Variants in RBFOX1 observed in about 807,000 individuals in gnomAD.
The protein encoded by RBFOX1 is RNA binding protein fox-1 homolog 1.
Under a neutral mutation model 57.7 loss-of-function variants are expected in RBFOX1, and 8 were observed. The ratio of observed to expected loss-of-function variants is 0.14; its 90% CI spans 0.08 to 0.25. The LOEUF (loss-of-function observed/expected upper bound fraction) is 0.25. RBFOX1 is among the 10% of genes least tolerant of loss of function. The probability of loss-of-function intolerance (pLI) is 1.00; values close to 1 mark genes in which losing one functional copy is unlikely to be tolerated. For missense variants in RBFOX1, 611 were observed against 548.5 expected, an observed-to-expected ratio of 1.11 and a Z score of -1.14; for synonymous variants, 326 against 222.4, an observed-to-expected ratio of 1.47 and a Z score of -4.15.
intron 1 of RBFOX1, among the ~76,000 whole-genome samples, chr16:6,308,858 C>G (rs1255256488): frequency 6.6e-6 from 1 of 152,138 alleles, no homozygotes; most frequent in Non-Finnish European, 1.5e-5. Context: ...CCAACTATCA[C>G]TCCTAAAACA....
chr16:6,452,036 T>C (rs185049612), intron 2 of RBFOX1, among the ~76,000 whole-genome samples: 1 of 148,072 alleles, frequency 6.8e-6, no homozygotes, highest in East Asian at 2.1e-4. Flanking sequence ...CCATGGCTCC[T>C]TCCTTCCATG....
chr16:6,857,274 C>G (rs1567583471), intron 3 of RBFOX1, among the ~76,000 whole-genome samples: 1 of 152,210 alleles, frequency 6.6e-6, no homozygotes, highest in African/African-American at 2.4e-5. Context: ...AAATCGCAAA[C>G]TTATTAGGAA....
chr16:6,945,887 G>A (rs567532079), intron 3 of RBFOX1, among the ~76,000 whole-genome samples: 3 of 152,072 alleles, frequency 2.0e-5, no homozygotes, highest in Non-Finnish European at 2.9e-5. Context: ...CAAGACTCTC[G>A]TCCCCCACAA....
intron 3 of RBFOX1, among the ~76,000 whole-genome samples, chr16:6,807,581 C>A (rs1396898525): frequency 6.6e-6 from 1 of 151,866 alleles, no homozygotes; most frequent in Admixed American, 6.6e-5. Context: ...ACTTTGGGAG[C>A]CTGAGGCAGG....
chr16:5,372,232 G>C (rs964804501), intron 1 of RBFOX1, among the ~76,000 whole-genome samples: 1 of 152,158 alleles, frequency 6.6e-6, no homozygotes, highest in Non-Finnish European at 1.5e-5. Flanking sequence ...TCTCGGAAGG[G>C]TTTCACGGGT....
At chr16:5,492,226 G>T (rs1002425126) in intron 2 of RBFOX1, among the ~76,000 whole-genome samples, 3 of 152,200 alleles carry the variant, frequency 2.0e-5, no homozygotes, top group African/African-American at 7.2e-5. Context: ...AGGCTGTTCA[G>T]TAAGTATTTG....
intron 14 of RBFOX1, among the ~76,000 whole-genome samples, chr16:7,684,641 T>G (rs1356200616): frequency 6.6e-6 from 1 of 151,986 alleles, no homozygotes; most frequent in African/African-American, 2.4e-5. Context: ...AAAAACATGA[T>G]TGTTAGATGC....
rs1466048396 is a variant in RBFOX1, at chr16:7,029,178, ACG to A, written c.-15-22878_-15-22877del. On this transcript the variant is annotated intron_variant, in intron 3 of 15. Coordinates refer to ENST00000550418, the MANE Select transcript of RBFOX1 (RefSeq NM_018723.4). ...TATATATACACATATATATACGTATACGTGTATATATACACATATGTATACGT... is the reference window on the plus strand; with the variant it reads ...TATATATACACATATATATACGTATATGTATATATACACATATGTATACGT... Among the ~76,000 whole-genome samples, 842 of 103,056 alleles carry A rather than the reference ACG, an allele frequency of 8.2e-3. 210 individuals carry two copies. The highest frequency in any genetic ancestry group is 0.037 in the East Asian group (114 of 3,100). 67.6% of individuals were successfully genotyped at this position (103,056 alleles called of 152,430 possible).
intron 4 of RBFOX1, among the ~76,000 whole-genome samples, chr16:5,898,175 A>G (rs577317469): frequency 2.6e-5 from 4 of 152,160 alleles, no homozygotes; most frequent in East Asian, 1.9e-4. Flanking sequence ...AAACCATCAG[A>G]TCTTGTGAGA....
chr16:6,528,735 G>T (rs1195831770), intron 2 of RBFOX1, among the ~76,000 whole-genome samples: 2 of 152,216 alleles, frequency 1.3e-5, no homozygotes, highest in East Asian at 3.9e-4. Context: ...GATACTTCTT[G>T]GTTCAGGGGA....
At chr16:7,008,270 G>A (rs958725058) in intron 3 of RBFOX1, among the ~76,000 whole-genome samples, 5 of 152,190 alleles carry the variant, frequency 3.3e-5, no homozygotes, top group East Asian at 3.9e-4. Context: ...GGCCAGGTGC[G>A]GTGGCTTATA....
intron 3 of RBFOX1, among the ~76,000 whole-genome samples, chr16:5,714,963 C>G (rs1039509476): frequency 1.2e-4 from 19 of 152,160 alleles, no homozygotes; most frequent in African/African-American, 4.6e-4. Flanking sequence ...AACTATACTT[C>G]CAGTTGTGTT....
chr16:6,399,514 A>G (rs1277444602), intron 2 of RBFOX1, among the ~76,000 whole-genome samples: 1 of 152,096 alleles, frequency 6.6e-6, no homozygotes, highest in African/African-American at 2.4e-5. Flanking sequence ...ATCTGAGACC[A>G]CCTCAGCCAG....
intron 3 of RBFOX1, among the ~76,000 whole-genome samples, chr16:7,012,695 G>T (rs2093709919): frequency 6.6e-6 from 1 of 152,222 alleles, no homozygotes; most frequent in Non-Finnish European, 1.5e-5. Context: ...TATCAGCAAA[G>T]GGAGGCCAGA....
intron 4 of RBFOX1, among the ~76,000 whole-genome samples, chr16:7,086,611 C>T (rs2060016505): frequency 1.3e-5 from 2 of 152,072 alleles, no homozygotes; most frequent in Admixed American, 6.6e-5. Context: ...CTTAGCTGTG[C>T]TTCCAAGCCG....
chr16:6,943,728 G>A (rs1011159948), intron 3 of RBFOX1, among the ~76,000 whole-genome samples: 1 of 142,606 alleles, frequency 7.0e-6, no homozygotes, highest in African/African-American at 2.7e-5. Context: ...AAAAAAAAAA[G>A]TATTCGCCTG....
intron 1 of RBFOX1, among the ~76,000 whole-genome samples, chr16:5,398,313 G>A (rs939605122): frequency 6.6e-6 from 1 of 152,126 alleles, no homozygotes; most frequent in Non-Finnish European, 1.5e-5. Context: ...GTGTGCATGT[G>A]TGCTCGTGTG....
chr16:6,840,157 G>A (rs1260876238), intron 3 of RBFOX1, among the ~76,000 whole-genome samples: 1 of 152,112 alleles, frequency 6.6e-6, no homozygotes, highest in Non-Finnish European at 1.5e-5. Flanking sequence ...ATCAGGCACC[G>A]TTTTGCCAGT....
chr16:6,141,981 C>G (rs1353377761), intron 1 of RBFOX1, among the ~76,000 whole-genome samples: 1 of 151,482 alleles, frequency 6.6e-6, no homozygotes, highest in East Asian at 2.0e-4. Context: ...ATGGTTTCAA[C>G]CTGGGAGGTG....
Sources: allele counts gnomAD v4.1 joint callset (sites outside exome capture counted in the v4.1 genomes callset), GRCh38; gene constraint gnomAD v4.1.1; transcripts MANE v1.5; gene names NCBI Gene and HGNC (gene_info 2026-07-23, HGNC 2026-07-21).